TC2N: variants seen among roughly 807,000 people sequenced by gnomAD.
TC2N encodes tandem C2 domains nuclear protein.
In TC2N, 51 loss-of-function variants were observed where a neutral mutation model predicts 61.9. The observed-to-expected ratio is 0.82, with a 90% CI of 0.66 to 1.04. The LOEUF (loss-of-function observed/expected upper bound fraction) is 1.04, where lower values mean the gene tolerates loss of function less well. Ranked by LOEUF, TC2N falls within the 50% of genes least tolerant of loss-of-function variation. The probability of loss-of-function intolerance (pLI) is 0.00; values close to 1 mark genes in which losing one functional copy is unlikely to be tolerated. For missense variants in TC2N, 556 were observed against 566.7 expected, an observed-to-expected ratio of 0.98 and a Z score of 0.19; for synonymous variants, 204 against 192.6, an observed-to-expected ratio of 1.06 and a Z score of -0.49.
chr14:91,808,895 A>G (rs1886639953), intron 3 of TC2N, among the ~76,000 whole-genome samples: 1 of 152,204 alleles, frequency 6.6e-6, no homozygotes, highest in Non-Finnish European at 1.5e-5. Flanking sequence ...AAAAAGCAAC[A>G]AATATGAAAT....
intron 1 of TC2N, among the ~76,000 whole-genome samples, chr14:91,858,152 C>CT (rs56379239): frequency 0.044 from 4,046 of 92,368 alleles, 329 homozygotes; most frequent in African/African-American, 0.15. Context: ...TCTTCTTCTT[C>CT]TTTTTTTTTT....
At chr14:91,791,747 T>C (rs1337595912) in intron 9 of TC2N, among the ~76,000 whole-genome samples, 1 of 148,902 alleles carries the variant, frequency 6.7e-6, no homozygotes, top group African/African-American at 2.6e-5. Context: ...ATCAGCTACC[T>C]AAAAAAACTT....
intron 3 of TC2N, among the ~76,000 whole-genome samples, chr14:91,805,250 T>TA (rs112693716): frequency 4.2e-4 from 62 of 149,070 alleles, no homozygotes; most frequent in African/African-American, 1.3e-3. Context: ...GTTTAAGAAG[T>TA]AAAAAAAAAA....
chr14:91,850,209 G>T (rs1210208552), intron 1 of TC2N, among the ~76,000 whole-genome samples: 2 of 150,890 alleles, frequency 1.3e-5, no homozygotes. Context: ...AATTATAATT[G>T]TTGCCCTAGC....
chr14:91,831,967 G>A (rs181030783), intron 1 of TC2N, among the ~76,000 whole-genome samples: 7 of 152,202 alleles, frequency 4.6e-5, no homozygotes, highest in African/African-American at 1.2e-4. Flanking sequence ...TATATAAAAC[G>A]TGTTAATCAA....
intron 1 of TC2N, among the ~76,000 whole-genome samples, chr14:91,821,483 A>T (rs1047511121): frequency 5.9e-5 from 9 of 152,026 alleles, no homozygotes; most frequent in African/African-American, 2.2e-4. Flanking sequence ...GCCTCCCACC[A>T]TATACAAAAA....
chr14:91,784,338 T>C (rs570996216), intron 11 of TC2N, among the ~76,000 whole-genome samples: 2 of 152,152 alleles, frequency 1.3e-5, no homozygotes, highest in Non-Finnish European at 2.9e-5. Flanking sequence ...TCAAGCTCTT[T>C]TCCAAATAAT....
intron 3 of TC2N, among the ~76,000 whole-genome samples, chr14:91,808,980 A>G (rs1886645440): frequency 6.7e-6 from 1 of 150,178 alleles, no homozygotes; most frequent in Non-Finnish European, 1.5e-5. Context: ...AATAAGTATG[A>G]AAAAAAAAGA....
intron 5 of TC2N, 33 bp downstream of exon 5, chr14:91,800,248 T>C (rs765444368): frequency 8.4e-6 from 11 of 1,314,056 alleles, no homozygotes; most frequent in Non-Finnish European, 1.1e-5. Context: ...AAGGAAATTA[T>C]CACATATAAT....
chr14:91,811,336 G>A (rs1226743381), intron 3 of TC2N, among the ~76,000 whole-genome samples: 1 of 151,818 alleles, frequency 6.6e-6, no homozygotes, highest in Non-Finnish European at 1.5e-5. Context: ...TTTATGTGGT[G>A]GACATACAGG....
intron 1 of TC2N, among the ~76,000 whole-genome samples, chr14:91,847,966 G>C (rs555457571): frequency 1.3e-5 from 2 of 152,180 alleles, no homozygotes; most frequent in East Asian, 3.9e-4. Flanking sequence ...TGTGGTTGTA[G>C]AATGGCTACC....
chr14:91,836,394 G>C (rs1888006765), intron 1 of TC2N: 1 of 152,150 alleles, frequency 6.6e-6, no homozygotes, highest in Non-Finnish European at 1.5e-5. Context: ...TGGGCGCTCT[G>C]CTGTCGCCGC....
At chr14:91,833,812 G>T (rs192029823) in intron 1 of TC2N, among the ~76,000 whole-genome samples, 1 of 152,216 alleles carries the variant, frequency 6.6e-6, no homozygotes, top group Non-Finnish European at 1.5e-5. Context: ...GAGACTTCCA[G>T]TTGCTCCACA....
At chr14:91,818,017 C>G (rs749023156) in intron 1 of TC2N, among the ~76,000 whole-genome samples, 3 of 152,040 alleles carry the variant, frequency 2.0e-5, no homozygotes, top group African/African-American at 4.8e-5. Flanking sequence ...TATCAGACAG[C>G]AAAGAACTGA....
At chr14:91,836,586 A>AAGGCGGGGAGGGGCG (rs1888023853) in intron 1 of TC2N, 1 of 146,654 alleles carries the variant, frequency 6.8e-6, no homozygotes, top group Admixed American at 6.7e-5. Context: ...GAGGCGAGGC[A>AAGGCGGGGAGGGGCG]AGGCGGGGAG....
rs202221563 is a variant in TC2N, at chr14:91,812,537, C to T, written c.76G>A (p.Glu26Lys). ...GETEKHNFSV[E>K]RDFKAAVPNS... Reference sequence around the variant, plus strand: ...GGGACTGCTGCTTTAAAATCTCTTTCCACAGAAACTGCATATAAAAGAAAA... The same window carrying T: ...GGGACTGCTGCTTTAAAATCTCTTTTCACAGAAACTGCATATAAAAGAAAA... Residue 26 changes from glutamate (E) to lysine (K), a missense_variant, in exon 3 of 12, where the codon GAA becomes AAA. Glu to Lys is a moderately conservative substitution (Grantham distance 56, BLOSUM62 1). Transcript: ENST00000435962. 5 of 1,554,020 alleles carry T rather than the reference C, an allele frequency of 3.2e-6. No individual in the cohort carries two copies. The African/African-American group carries it at 6.8e-5, about 21-fold the overall frequency.
At chr14:91,785,132 A>C (rs762255544) in intron 11 of TC2N, 30 bp downstream of exon 11, 15 of 1,518,842 alleles carry the variant, frequency 9.9e-6, no homozygotes, top group Non-Finnish European at 1.1e-5. Flanking sequence ...GCATAGAAAA[A>C]TATAAGGAAG....
At chr14:91,802,488 C>T in intron 3 of TC2N, 67 bp from the exon 4 acceptor site, 3 of 1,461,570 alleles carry the variant, frequency 2.1e-6, no homozygotes, top group East Asian at 2.3e-5. Flanking sequence ...ACAGCTGGTA[C>T]ACCCAGGGTA....
intron 1 of TC2N, among the ~76,000 whole-genome samples, chr14:91,828,404 T>C (rs1595262260): frequency 6.6e-6 from 1 of 152,070 alleles, no homozygotes; most frequent in Non-Finnish European, 1.5e-5. Flanking sequence ...TATTTCAGTA[T>C]GTATCTCTAA....
Sources: allele counts gnomAD v4.1 joint callset (sites outside exome capture counted in the v4.1 genomes callset), GRCh38; gene constraint gnomAD v4.1.1; transcripts MANE v1.5; gene names NCBI Gene and HGNC (gene_info 2026-07-23, HGNC 2026-07-21).